Variants in EIF2AK2 observed in about 807,000 individuals in gnomAD.
EIF2AK2 encodes the protein interferon-induced, double-stranded RNA-activated protein kinase.
EIF2AK2 carries 40 observed loss-of-function variants against 70.5 expected under a neutral mutation model. That is an observed-to-expected ratio of 0.57 (90% CI 0.44 to 0.74). EIF2AK2 has a LOEUF of 0.74. Ranked by LOEUF, EIF2AK2 falls within the 30% of genes least tolerant of loss-of-function variation. EIF2AK2 has a pLI of 0.00. For synonymous variants in EIF2AK2, 198 were observed against 220.9 expected, an observed-to-expected ratio of 0.90 and a Z score of 0.92; for missense variants, 555 against 644.3, an observed-to-expected ratio of 0.86 and a Z score of 1.50.
In EIF2AK2 at chr2:37,136,921, C is replaced by T. The variant is rs957706467; in HGVS notation, c.722+62G>A. 3.2e-5 allele frequency: 47 copies of T among 1,481,936 alleles called. No individual in the cohort carries two copies. The African/African-American group carries it at 5.9e-4, about 19-fold the overall frequency. The allele number at this position is 1,481,936 out of a possible 1,614,324, so 91.8% of individuals were successfully genotyped here. Reference sequence around the variant, plus strand: ...TACAATACTCTACAAGTATTAAGAACAATAAATAAGTCTGAAATAAAACTT... The same window carrying T: ...TACAATACTCTACAAGTATTAAGAATAATAAATAAGTCTGAAATAAAACTT... On this transcript the variant is annotated intron_variant, in intron 9 of 16. Transcript: ENST00000233057.
intron 10 of EIF2AK2, among the ~76,000 whole-genome samples, chr2:37,126,945 G>T (rs1382122324): frequency 1.4e-5 from 1 of 71,090 alleles, no homozygotes; most frequent in African/African-American, 5.5e-5. Flanking sequence ...CGACAAGAAT[G>T]AAACTCCATC....
intron 4 of EIF2AK2, 26 bp downstream of exon 4, chr2:37,146,827 T>C (rs765674025): frequency 1.4e-6 from 2 of 1,472,534 alleles, no homozygotes; most frequent in South Asian, 2.4e-5. Flanking sequence ...AGTTCCCATT[T>C]ATTAGGAAAA....
intron 14 of EIF2AK2, 89 bp from the exon 15 acceptor site, chr2:37,109,384 C>T: frequency 1.1e-5 from 11 of 1,032,028 alleles, no homozygotes; most frequent in Admixed American, 2.4e-5. Flanking sequence ...TTGACCAAAA[C>T]ATCTTACACC....
chr2:37,141,466 A>C (rs1030904004), intron 5 of EIF2AK2, 87 bp downstream of exon 5: 389 of 1,510,814 alleles, frequency 2.6e-4, no homozygotes, highest in Non-Finnish European at 3.1e-4. Flanking sequence ...AAAAGGACAC[A>C]TATTTCTGGA....
intron 2 of EIF2AK2, among the ~76,000 whole-genome samples, chr2:37,148,305 G>A (rs1675625009): frequency 6.6e-6 from 1 of 152,306 alleles, no homozygotes; most frequent in South Asian, 2.1e-4. Flanking sequence ...CTGCAGGATT[G>A]TAGAATGTTT....
chr2:37,111,419 G>C (rs1039604800), intron 14 of EIF2AK2, among the ~76,000 whole-genome samples: 1 of 141,898 alleles, frequency 7.0e-6, no homozygotes, highest in African/African-American at 2.6e-5. Context: ...TTTTTCTTCA[G>C]ATGGAGTCTC....
In EIF2AK2 at chr2:37,141,549, T is replaced by C; in HGVS notation, c.389+4A>G. 6.2e-7 allele frequency: 1 copy of C among 1,608,302 alleles called. No individual in the cohort carries two copies. The highest frequency in any genetic ancestry group is 8.5e-7 in the Non-Finnish European group (1 of 1,178,824). On this transcript the variant is annotated splice_donor_region_variant and intron_variant, in intron 5 of 16. Transcript: ENST00000233057. ...ACAGAAAGAAAAGCCAAATTATGTCTTACCCTTCTGGCCCATGCACCCCCG... is the reference window on the plus strand; with the variant it reads ...ACAGAAAGAAAAGCCAAATTATGTCCTACCCTTCTGGCCCATGCACCCCCG...
intron 13 of EIF2AK2, among the ~76,000 whole-genome samples, chr2:37,118,898 A>T (rs1331013738): frequency 6.6e-6 from 1 of 152,192 alleles, no homozygotes; most frequent in Non-Finnish European, 1.5e-5. Flanking sequence ...GAGGGGTGGG[A>T]TAAGCAGATA....
chr2:37,132,418 T>C (rs1350428008), intron 10 of EIF2AK2, among the ~76,000 whole-genome samples: 1 of 152,078 alleles, frequency 6.6e-6, no homozygotes, highest in Non-Finnish European at 1.5e-5. Context: ...GGTGAAACCC[T>C]GTCTCTACTA....
At position 37,146,919 on chromosome 2, in the gene EIF2AK2, T is replaced by C; in HGVS notation, c.174A>G (p.Arg58=). 6.2e-7 allele frequency: 1 copy of C among 1,613,886 alleles called. No individual in the cohort carries two copies. Among genetic ancestry groups the C allele is most frequent in the Non-Finnish European group, 8.5e-7 (1 of 1,179,980 alleles). ...DGREFPEGEG[R]SKKEAKNAAA... ...CGGCATTTTTTGCTTCCTTCTTTGA[T>C]CTACCTTCACCTTCTGGAAATTCTC... is the stretch of plus-strand genomic sequence containing the variant. Residue 58 remains arginine (R), a synonymous_variant, in exon 4 of 17, where the codon AGA becomes AGG. Coordinates refer to ENST00000233057, the MANE Select transcript of EIF2AK2 (RefSeq NM_001135651.3).
chr2:37,111,939 C>CTATATA (rs1174381920), intron 14 of EIF2AK2, among the ~76,000 whole-genome samples: 1 of 121,706 alleles, frequency 8.2e-6, no homozygotes, highest in Non-Finnish European at 1.6e-5. Context: ...CTCTCTCTCT[C>CTATATA]TATATATATA....
At position 37,111,950 on chromosome 2, in the gene EIF2AK2, T is replaced by G. The variant is rs796528229; in HGVS notation, c.1378-2655A>C. Among the ~76,000 whole-genome samples the G allele has an allele frequency of 5.5e-4, 77 of 138,986 alleles. No homozygotes were observed. In the South Asian group the frequency reaches 0.016, roughly 28 times the overall value. 91.2% of individuals were successfully genotyped at this position (138,986 alleles called of 152,430 possible). Reference sequence around the variant, plus strand: ...CTCTCTCTCTCTCTCTATATATATATATATATAGATTTTGAACAGTATAAA... The same window carrying G: ...CTCTCTCTCTCTCTCTATATATATAGATATATAGATTTTGAACAGTATAAA... On this transcript the variant is annotated intron_variant, in intron 14 of 16. Coordinates refer to ENST00000233057, the MANE Select transcript of EIF2AK2 (RefSeq NM_001135651.3).
At chr2:37,144,296 A>C (rs1407741307) in intron 4 of EIF2AK2, among the ~76,000 whole-genome samples, 2 of 28,892 alleles carry the variant, frequency 6.9e-5, no homozygotes, top group Non-Finnish European at 2.2e-4. Context: ...GATAATGATA[A>C]GTAACTTACT....
Position 37,100,846 on chromosome 2 carries a change from C to T in EIF2AK2, c.*6427G>A, listed in dbSNP as rs527905720. The T allele has an allele frequency of 6.6e-5, 10 of 152,278 alleles. No individual in the cohort carries two copies. Among genetic ancestry groups the T allele is most frequent in the Admixed American group, 5.9e-4 (9 of 15,286 alleles). The allele number at this position is 152,278 out of a possible 1,614,324, so 9.4% of individuals were successfully genotyped here. On this transcript the variant is annotated 3_prime_UTR_variant, in exon 17 of 17. Coordinates refer to ENST00000233057, the MANE Select transcript of EIF2AK2 (RefSeq NM_001135651.3). ...CCATGTCGATAGATGTACAGTCGCC[C>T]CACTACTGGCTTAAATTCTAAATTA...
At chr2:37,111,608 C>T (rs1674149304) in intron 14 of EIF2AK2, among the ~76,000 whole-genome samples, 1 of 150,706 alleles carries the variant, frequency 6.6e-6, no homozygotes, top group African/African-American at 2.4e-5. Context: ...AATCCTAGTA[C>T]TTTGGGAGGT....
In EIF2AK2 at chr2:37,120,180, T is replaced by A. The variant is rs199859105; in HGVS notation, c.1068-41A>T. On this transcript the variant is annotated intron_variant, in intron 12 of 16. Coordinates refer to ENST00000233057, the MANE Select transcript of EIF2AK2 (RefSeq NM_001135651.3). ...ACAGTATGTTAAAAGTAACAATAAA[T>A]ATAAATTTATAAAAAATTTTTTATA... 58 of 1,182,882 alleles carry A rather than the reference T, an allele frequency of 4.9e-5. No individual in the cohort carries two copies. The African/African-American group carries it at 8.9e-4, about 18-fold the overall frequency. The allele number at this position is 1,182,882 out of a possible 1,614,324, so 73.3% of individuals were successfully genotyped here.
chr2:37,148,573 G>GT (rs1175726766), intron 2 of EIF2AK2: 1 of 777,532 alleles, frequency 1.3e-6, no homozygotes, highest in African/African-American at 1.7e-5. Flanking sequence ...CTACAAATGA[G>GT]TGCCATAAAA....
At chr2:37,139,502 G>A (rs532194080) in intron 6 of EIF2AK2, 129 bp downstream of exon 6, 57 of 1,330,118 alleles carry the variant, frequency 4.3e-5, no homozygotes, top group Admixed American at 1.1e-4. Context: ...TCATCGGTAC[G>A]ACACAGAATG....
At chr2:37,128,570 G>A (rs565925239) in intron 10 of EIF2AK2, among the ~76,000 whole-genome samples, 3 of 152,040 alleles carry the variant, frequency 2.0e-5, no homozygotes, top group Admixed American at 6.6e-5. Context: ...TAAACTGTTC[G>A]GGTGGAAGTA....
Sources: allele counts gnomAD v4.1 joint callset (sites outside exome capture counted in the v4.1 genomes callset), GRCh38; gene constraint gnomAD v4.1.1; transcripts MANE v1.5; gene names NCBI Gene and HGNC (gene_info 2026-07-23, HGNC 2026-07-21).